Variants in SEPTIN3 observed in about 807,000 individuals in gnomAD.
The protein encoded by SEPTIN3 is neuronal-specific septin-3.
In SEPTIN3, 15 loss-of-function variants were observed where a neutral mutation model predicts 45.1. The ratio of observed to expected loss-of-function variants is 0.33; its 90% CI spans 0.22 to 0.51. The LOEUF (loss-of-function observed/expected upper bound fraction) is 0.51, where lower values mean the gene tolerates loss of function less well. SEPTIN3 is among the 20% of genes least tolerant of loss of function. The pLI, the probability that SEPTIN3 is intolerant of heterozygous loss-of-function variation, is 0.97. For synonymous variants in SEPTIN3, 148 were observed against 164.8 expected, an observed-to-expected ratio of 0.90 and a Z score of 0.78; for missense variants, 289 against 457.2, an observed-to-expected ratio of 0.63 and a Z score of 3.35.
chr22:41,994,794 C>G lies in SEPTIN3; in HGVS notation c.2505+80C>G. 1 of 1,612,572 alleles carries G rather than the reference C, an allele frequency of 6.2e-7. No homozygotes were observed. The highest frequency in any genetic ancestry group is 1.7e-5 in the Admixed American group (1 of 60,004). On this transcript the variant is annotated intron_variant, in intron 11 of 11. Transcript: ENST00000644076. The surrounding 1 kb of genome is among the most constrained non-coding windows in gnomAD (Gnocchi z 4.2). ...TGTGTCATCACACATACCCACTTCA[C>G]ACACACACATCCCAAATACCACCAC...
At chr22:41,984,729 A>G (rs1044108347) in intron 3 of SEPTIN3, among the ~76,000 whole-genome samples, 1 of 151,128 alleles carries the variant, frequency 6.6e-6, no homozygotes, top group Non-Finnish European at 1.5e-5. Context: ...GGGTTTCACC[A>G]TGTTGGCCAG....
chr22:41,983,236 T>C (rs2078150380), intron 3 of SEPTIN3, among the ~76,000 whole-genome samples: 1 of 152,172 alleles, frequency 6.6e-6, no homozygotes, highest in African/African-American at 2.4e-5. Flanking sequence ...ATAAAAAACC[T>C]CCACTGAGCT....
At chr22:41,970,365 C>T (rs558699925) in intron 1 of SEPTIN3, among the ~76,000 whole-genome samples, 1 of 152,258 alleles carries the variant, frequency 6.6e-6, no homozygotes, top group South Asian at 2.1e-4. Context: ...CCACTTCTAC[C>T]CCTGTGCAAT....
At chr22:41,989,402 C>T (rs534374900) in intron 6 of SEPTIN3, among the ~76,000 whole-genome samples, 165 bp from the exon 7 acceptor site, 10 of 152,276 alleles carry the variant, frequency 6.6e-5, no homozygotes, top group South Asian at 2.1e-4. Context: ...GCTCTACAGA[C>T]GGCAAGGCAG....
At chr22:41,975,862 C>T (rs1040270386) in intron 2 of SEPTIN3, among the ~76,000 whole-genome samples, 1 of 152,140 alleles carries the variant, frequency 6.6e-6, no homozygotes, top group East Asian at 1.9e-4. Flanking sequence ...GCAACGACTC[C>T]CACATTGAAT....
chr22:41,974,798 T>C (rs2077999222), intron 2 of SEPTIN3, among the ~76,000 whole-genome samples: 1 of 138,234 alleles, frequency 7.2e-6, no homozygotes, highest in Non-Finnish European at 1.5e-5. Flanking sequence ...GAGGTTGCAG[T>C]GAGCTGAGAT....
At chr22:41,995,765 C>A in intron 11 of SEPTIN3, 1 of 971,370 alleles carries the variant, frequency 1.0e-6, no homozygotes, top group Non-Finnish European at 1.2e-6. Flanking sequence ...CTGAACAGGC[C>A]CTGAGCTCAC....
At chr22:41,990,931 G>A (rs2078304550) in intron 7 of SEPTIN3, among the ~76,000 whole-genome samples, 1 of 151,930 alleles carries the variant, frequency 6.6e-6, no homozygotes, top group Non-Finnish European at 1.5e-5. Flanking sequence ...GGGCGTGGTG[G>A]CATATGCCTG....
At chr22:41,982,943 C>T (rs2078146025) in intron 3 of SEPTIN3, among the ~76,000 whole-genome samples, 1 of 152,032 alleles carries the variant, frequency 6.6e-6, no homozygotes, top group Non-Finnish European at 1.5e-5. Context: ...TGCCCCGTCT[C>T]AGTGAGATGT....
chr22:41,996,457 C>T (rs1168235522), intron 11 of SEPTIN3: 3 of 989,064 alleles, frequency 3.0e-6, no homozygotes, highest in Non-Finnish European at 3.6e-6. Context: ...TCTTTTATCA[C>T]TCAGGTGCTA....
In SEPTIN3 at chr22:41,972,841, C is replaced by T; in HGVS notation, c.1349C>T (p.Thr450Ile). The change falls in exon 2 of 12, where the codon ACC (threonine) becomes ATC (isoleucine). Residue 450 changes from threonine to isoleucine, a missense_variant. Thr to Ile is a moderately conservative substitution (Grantham distance 89). Transcript: ENST00000644076. ...PVTPDPATGKTTLGSVNNLTI... is the reference protein window; with the variant it reads ...PVTPDPATGKITLGSVNNLTI... ...ACCCCAGACCCAGCCACTGGGAAGACCACACTGGGCAGTGTTAATAACCTA... is the reference window on the plus strand; with the variant it reads ...ACCCCAGACCCAGCCACTGGGAAGATCACACTGGGCAGTGTTAATAACCTA... The T allele has an allele frequency of 5.0e-6, 2 of 399,194 alleles. No homozygotes were observed. Among genetic ancestry groups the T allele is most frequent in the Non-Finnish European group, 8.8e-6 (2 of 226,168 alleles). The allele number at this position is 399,194 out of a possible 1,614,324, so 24.7% of individuals were successfully genotyped here.
At chr22:41,990,080 G>C (rs9620004) in intron 7 of SEPTIN3, among the ~76,000 whole-genome samples, 479 of 148,750 alleles carry the variant, frequency 3.2e-3, no homozygotes, top group African/African-American at 0.011. Context: ...TCTCTCTGTC[G>C]CCCAGGCTGG....
At chr22:41,995,851 A>T in intron 11 of SEPTIN3, 2 of 850,944 alleles carry the variant, frequency 2.4e-6, no homozygotes, top group Non-Finnish European at 2.8e-6. Context: ...CACACATGCT[A>T]GTCATGTGAG....
At position 41,972,397 on chromosome 22, in the gene SEPTIN3, T is replaced by A; in HGVS notation, c.905T>A (p.Ile302Asn). 2.5e-6 allele frequency: 1 copy of A among 399,076 alleles called. No individual in the cohort carries two copies. The highest frequency in any genetic ancestry group is 4.4e-6 in the Non-Finnish European group (1 of 226,092). 24.7% of individuals were successfully genotyped at this position (399,076 alleles called of 1,614,324 possible). ...GGCACAGAGTTCCCTGCCCTGGATA[T>A]CAAGCTGGGCACAGCCAGAGACTTG... ...DTGTEFPALD[I>N]KLGTARDLSS... Residue 302 changes from isoleucine to asparagine, a missense_variant, in exon 2 of 12, where the codon ATC (isoleucine) becomes AAC (asparagine). By Grantham distance (149) the Ile-to-Asn change is moderately radical. Coordinates refer to ENST00000644076, the MANE Select transcript of SEPTIN3 (RefSeq NM_001363845.2).
At chr22:41,986,171 G>T in intron 4 of SEPTIN3, 59 bp downstream of exon 4, 1 of 1,587,008 alleles carries the variant, frequency 6.3e-7, no homozygotes, top group Non-Finnish European at 8.6e-7. Context: ...TGCTGGAAAG[G>T]GGAAAGAATG....
chr22:41,974,860 GAAAAAA>G (rs55642127), intron 2 of SEPTIN3, among the ~76,000 whole-genome samples: 23 of 74,298 alleles, frequency 3.1e-4, no homozygotes, highest in African/African-American at 1.1e-3. Flanking sequence ...GTCTCAAAAA[GAAAAAA>G]AAAAAAAAAA....
intron 11 of SEPTIN3, 32 bp from the exon 12 acceptor site, chr22:41,996,870 C>T (rs765312810): frequency 1.2e-6 from 2 of 1,612,702 alleles, no homozygotes; most frequent in Non-Finnish European, 8.5e-7. Flanking sequence ...TGCTGGTCTC[C>T]ACACCCTCAA....
chr22:41,994,680 C>T lies in SEPTIN3; in HGVS notation c.2471C>T (p.Ala824Val). 6.2e-7 allele frequency: 1 copy of T among 1,614,166 alleles called. No individual in the cohort carries two copies. The highest frequency in any genetic ancestry group is 8.5e-7 in the Non-Finnish European group (1 of 1,180,046). Residue 824 changes from alanine (A) to valine (V), a missense_variant, in exon 11 of 12, where the codon GCC (alanine) becomes GTC (valine). By Grantham distance (64) the Ala-to-Val change is moderately conservative. This residue lies in a region of SEPTIN3 where 84 missense variants were observed against 114.7 expected (regional missense o/e 0.73). Coordinates refer to ENST00000644076, the MANE Select transcript of SEPTIN3 (RefSeq NM_001363845.2). The surrounding 1 kb of genome is among the most constrained non-coding windows in gnomAD (Gnocchi z 4.2). ...THNIHYETYR[A>V]KRLNDNGGLP... ...AACATCCACTATGAGACTTACAGGGCCAAGCGGCTCAATGACAATGGAGGC... is the reference window on the plus strand; with the variant it reads ...AACATCCACTATGAGACTTACAGGGTCAAGCGGCTCAATGACAATGGAGGC...
intron 5 of SEPTIN3, 101 bp downstream of exon 5, chr22:41,987,388 T>C: frequency 8.3e-7 from 1 of 1,198,702 alleles, no homozygotes; most frequent in Non-Finnish European, 1.2e-6. Context: ...GCACCCTCCA[T>C]GCTCTGTAGT....
Sources: gnomAD v4.1 joint callset for allele counts (sites outside exome capture counted in the v4.1 genomes callset) on GRCh38, gnomAD v4.1.1 for gene constraint, gnomAD v4.1.1 regional missense constraint, Gnocchi (gnomAD v3.1) non-coding constraint, MANE v1.5 for transcripts, NCBI Gene and HGNC (gene_info 2026-07-23, HGNC 2026-07-21) for gene names.